Variants in ANKRD30B observed in about 807,000 individuals in gnomAD.
ANKRD30B encodes the protein ankyrin repeat domain 30B.
ANKRD30B carries 144 observed loss-of-function variants against 202.2 expected under a neutral mutation model. The ratio of observed to expected loss-of-function variants is 0.71; its 90% CI spans 0.62 to 0.82. The LOEUF is 0.82. Ranked by LOEUF, ANKRD30B falls within the 40% of genes least tolerant of loss-of-function variation. The pLI is 0.00. For missense variants in ANKRD30B, 1,487 were observed against 1,669.1 expected, an observed-to-expected ratio of 0.89 and a Z score of 1.90; for synonymous variants, 508 against 561.3, an observed-to-expected ratio of 0.91 and a Z score of 1.34.
At chr18:14,831,917 T>C (rs1970962985) in intron 34 of ANKRD30B, among the ~76,000 whole-genome samples, 1 of 152,218 alleles carries the variant, frequency 6.6e-6, no homozygotes. Flanking sequence ...AATCAAGGAA[T>C]CTGTCTGATA....
intron 24 of ANKRD30B, among the ~76,000 whole-genome samples, chr18:14,807,273 A>T (rs1212287598): frequency 1.3e-5 from 2 of 151,050 alleles, no homozygotes; most frequent in Non-Finnish European, 2.9e-5. Flanking sequence ...AATGAGATAT[A>T]TTTCTATGTC....
At chr18:14,873,342 G>T in the ANKRD30B span, among the ~76,000 whole-genome samples, 1 of 151,994 alleles carries the variant, frequency 6.6e-6, no homozygotes, top group Non-Finnish European at 1.5e-5. Context: ...TGGCCAACAT[G>T]GTGAAACTCC....
chr18:14,833,524 A>G (rs1257312673), intron 34 of ANKRD30B, among the ~76,000 whole-genome samples: 2 of 152,242 alleles, frequency 1.3e-5, no homozygotes, highest in African/African-American at 4.8e-5. Flanking sequence ...AATTCTGATT[A>G]CCAATACTTT....
the ANKRD30B span, among the ~76,000 whole-genome samples, chr18:14,920,453 T>C: frequency 6.6e-6 from 1 of 152,162 alleles, no homozygotes; most frequent in South Asian, 2.1e-4. Context: ...CTATAGTGTC[T>C]AGAAAGACAC....
At chr18:14,907,649 G>A in the ANKRD30B span, among the ~76,000 whole-genome samples, 3 of 152,210 alleles carry the variant, frequency 2.0e-5, no homozygotes, top group Admixed American at 6.5e-5. Flanking sequence ...GGGAGGCCGA[G>A]GCTGTCTGAT....
Position 14,837,363 on chromosome 18 carries a change from A to G in ANKRD30B, c.2926+74A>G, listed in dbSNP as rs71350524. On this transcript the variant is annotated intron_variant, in intron 35 of 43. Coordinates refer to ENST00000690538, the MANE Select transcript of ANKRD30B (RefSeq NM_001367607.2). ...AGTGAATATCTCTGAAAATTTTTCT[A>G]TGTTTAAATGCTGTTATATAGAAAA... 1.2e-5 allele frequency: 16 copies of G among 1,321,230 alleles called. No individual in the cohort carries two copies. The African/African-American group carries it at 1.6e-4, about 14-fold the overall frequency. The allele number at this position is 1,321,230 out of a possible 1,614,324, so 81.8% of individuals were successfully genotyped here. A position where few individuals can be genotyped will look rare whatever the true frequency, so the allele number is the denominator to read the frequency against.
chr18:14,798,308 A>T (rs1200685796), intron 20 of ANKRD30B, among the ~76,000 whole-genome samples: 3 of 152,070 alleles, frequency 2.0e-5, no homozygotes, highest in African/African-American at 4.8e-5. Context: ...AGATGGTCAC[A>T]TGGGGATGAA....
At chr18:14,877,129 A>G in the ANKRD30B span, among the ~76,000 whole-genome samples, 1 of 152,222 alleles carries the variant, frequency 6.6e-6, no homozygotes, top group Non-Finnish European at 1.5e-5. Context: ...GAGCAGTACC[A>G]TTGTTCTGGA....
At chr18:14,757,737 G>A in intron 4 of ANKRD30B, 78 bp from the exon 5 acceptor site, 1 of 1,451,800 alleles carries the variant, frequency 6.9e-7, no homozygotes, top group South Asian at 1.4e-5. Flanking sequence ...GTTAGTACAT[G>A]TAAATGGTTA....
chr18:14,759,603 T>G (rs918082643), intron 5 of ANKRD30B, among the ~76,000 whole-genome samples: 12 of 152,184 alleles, frequency 7.9e-5, no homozygotes, highest in Non-Finnish European at 1.5e-4. Flanking sequence ...TAACAAAGAT[T>G]TGTTGATTCA....
At chr18:14,810,841 T>C (rs1376836728) in intron 28 of ANKRD30B, among the ~76,000 whole-genome samples, 2,218 of 146,004 alleles carry the variant, frequency 0.015, 28 homozygotes, top group African/African-American at 0.051. Flanking sequence ...AGGCTGTGCA[T>C]GGTGGCACAT....
chr18:14,833,910 TCAGTGTCTGC>T (rs1971063496), intron 34 of ANKRD30B, among the ~76,000 whole-genome samples: 3 of 152,188 alleles, frequency 2.0e-5, no homozygotes, highest in African/African-American at 7.2e-5. Flanking sequence ...ATACATTTCT[TCAGTGTCTGC>T]TTTTGAGGGC....
the ANKRD30B span, among the ~76,000 whole-genome samples, chr18:14,929,418 T>C: frequency 1.3e-5 from 2 of 152,018 alleles, no homozygotes; most frequent in Non-Finnish European, 1.5e-5. Flanking sequence ...TCATAGGAGG[T>C]CTTCCCCACT....
the ANKRD30B span, among the ~76,000 whole-genome samples, chr18:14,906,756 C>T: frequency 6.6e-6 from 1 of 152,014 alleles, no homozygotes; most frequent in Non-Finnish European, 1.5e-5. Flanking sequence ...GTGACCATGG[C>T]CCATGACACA....
the ANKRD30B span, among the ~76,000 whole-genome samples, chr18:14,933,029 G>A: frequency 1.3e-5 from 2 of 152,180 alleles, no homozygotes; most frequent in African/African-American, 4.8e-5. Context: ...CATCAATTTT[G>A]TTTCGTTGTG....
the ANKRD30B span, among the ~76,000 whole-genome samples, chr18:14,910,627 C>T: frequency 0.019 from 2,823 of 151,898 alleles, 38 homozygotes; most frequent in Non-Finnish European, 0.03. Context: ...AATTATTTCC[C>T]TATGAGTGTA....
At position 14,822,483 on chromosome 18, in the gene ANKRD30B, A is replaced by G. The variant is rs1311954390; in HGVS notation, c.2642A>G (p.Glu881Gly). 3 of 1,407,050 alleles carry G rather than the reference A, an allele frequency of 2.1e-6. No homozygotes were observed. Among genetic ancestry groups the G allele is most frequent in the Admixed American group, 3.5e-5 (2 of 57,434 alleles). The allele number at this position is 1,407,050 out of a possible 1,614,324, so 87.2% of individuals were successfully genotyped here. A position where few individuals can be genotyped will look rare whatever the true frequency, so the allele number is the denominator to read the frequency against. Residue 881 changes from glutamate (E) to glycine (G), a missense_variant and splice_region_variant, in exon 31 of 44, where the codon GAG (glutamate) becomes GGG (glycine). Coordinates refer to ENST00000690538, the MANE Select transcript of ANKRD30B (RefSeq NM_001367607.2). Reference sequence around the variant, plus strand: ...ATTATATATGTCCCTTTTCTTTTAGAGTCTCCTGATAAAGATGGTCTTCTG... The same window carrying G: ...ATTATATATGTCCCTTTTCTTTTAGGGTCTCCTGATAAAGATGGTCTTCTG... ...EFDTLSGKLE[E>G]SPDKDGLLKP...
At chr18:14,896,597 G>A in the ANKRD30B span, among the ~76,000 whole-genome samples, 61 of 147,916 alleles carry the variant, frequency 4.1e-4, no homozygotes, top group Non-Finnish European at 7.4e-4. Flanking sequence ...GAACATATGG[G>A]ATTTGTTATT....
chr18:14,889,846 G>A, the ANKRD30B span: 5 of 378,036 alleles, frequency 1.3e-5, no homozygotes, highest in South Asian at 6.6e-5. Context: ...TTTTCTTAAC[G>A]TTTGAGTATA....
Sources: gnomAD v4.1 joint callset for allele counts (sites outside exome capture counted in the v4.1 genomes callset) on GRCh38, gnomAD v4.1.1 for gene constraint, MANE v1.5 for transcripts, NCBI Gene and HGNC (gene_info 2026-07-23, HGNC 2026-07-21) for gene names.